SND1: variants seen among roughly 807,000 people sequenced by gnomAD.
The protein encoded by SND1 is staphylococcal nuclease and tudor domain containing 1.
In SND1, 38 loss-of-function variants were observed where a neutral mutation model predicts 121.7. The ratio of observed to expected loss-of-function variants is 0.31; its 90% CI spans 0.24 to 0.41. The LOEUF (loss-of-function observed/expected upper bound fraction) is 0.41, where lower values mean the gene tolerates loss of function less well. Among genes scored for constraint, SND1 ranks in the 10% least tolerant of loss-of-function variants. The probability of loss-of-function intolerance (pLI) is 1.00; values close to 1 mark genes in which losing one functional copy is unlikely to be tolerated. For missense variants in SND1, 868 were observed against 1,184.6 expected (o/e 0.73, Z 3.92); for synonymous variants, 401 against 447.4 (o/e 0.90, Z 1.31).
At chr7:127,787,500 G>A (rs904709808) in intron 10 of SND1, among the ~76,000 whole-genome samples, 1 of 152,220 alleles carries the variant, frequency 6.6e-6, no homozygotes, top group Non-Finnish European at 1.5e-5. Flanking sequence ...TTTTAAGGCT[G>A]TGTAGCTTTC....
intron 16 of SND1, among the ~76,000 whole-genome samples, chr7:128,065,204 G>A (rs577206916): frequency 7.2e-5 from 11 of 152,230 alleles, no homozygotes; most frequent in Non-Finnish European, 1.3e-4. Context: ...AAGAGGTTGT[G>A]ATCTGGAGCC....
Position 127,652,309 on chromosome 7 carries a change from C to A in SND1, c.-65C>A. ...CGCCTCGACTCCCTTTCACCAACACCGACACCCACATTGACACCTCCAGTC... is the reference window on the plus strand; with the variant it reads ...CGCCTCGACTCCCTTTCACCAACACAGACACCCACATTGACACCTCCAGTC... On this transcript the variant is annotated 5_prime_UTR_variant, in exon 1 of 24. Coordinates refer to ENST00000354725, the MANE Select transcript of SND1 (RefSeq NM_014390.4). 1 of 1,365,982 alleles carries A rather than the reference C, an allele frequency of 7.3e-7. No homozygotes were observed. The highest frequency in any genetic ancestry group is 1.0e-6 in the Non-Finnish European group (1 of 976,450). 84.6% of individuals were successfully genotyped at this position (1,365,982 alleles called of 1,614,324 possible).
intron 12 of SND1, among the ~76,000 whole-genome samples, chr7:127,863,346 T>C (rs1799412769): frequency 6.6e-6 from 1 of 152,176 alleles, no homozygotes; most frequent in Admixed American, 6.5e-5. Context: ...ATTACAAATG[T>C]TCCATGGAAG....
intron 16 of SND1, among the ~76,000 whole-genome samples, chr7:128,057,668 T>C (rs531817914): frequency 6.6e-6 from 1 of 152,174 alleles, no homozygotes; most frequent in South Asian, 2.1e-4. Flanking sequence ...AAGAAATTTC[T>C]GCCGAATCTC....
At chr7:127,804,100 CTGAGAAT>C (rs2308071) in intron 10 of SND1, among the ~76,000 whole-genome samples, 100,796 of 151,222 alleles carry the variant, frequency 0.67, 34,412 homozygotes, top group East Asian at 0.92. Context: ...GTCCTGTTTT[CTGAGAAT>C]TGAGAATACA....
chr7:127,939,878 TTTCTACTC>T (rs1419852659), intron 15 of SND1, among the ~76,000 whole-genome samples: 1 of 152,218 alleles, frequency 6.6e-6, no homozygotes, highest in Non-Finnish European at 1.5e-5. Context: ...CTGACTAGTG[TTTCTACTC>T]TTCTACTCTA....
intron 12 of SND1, among the ~76,000 whole-genome samples, chr7:127,854,785 C>G (rs1329966819): frequency 3.3e-5 from 5 of 151,862 alleles, no homozygotes; most frequent in Non-Finnish European, 7.4e-5. Flanking sequence ...GTGGTCAGCA[C>G]AGCACTAAGT....
chr7:127,850,191 G>T (rs1799138661), intron 12 of SND1, among the ~76,000 whole-genome samples: 1 of 152,012 alleles, frequency 6.6e-6, no homozygotes, highest in Non-Finnish European at 1.5e-5. Flanking sequence ...TCCTAGTTTG[G>T]TTTTTCTCAG....
intron 9 of SND1, chr7:127,718,526 A>G: frequency 2.0e-6 from 2 of 981,018 alleles, no homozygotes; most frequent in Non-Finnish European, 2.4e-6. Flanking sequence ...TATCTTCACC[A>G]GCAAGCTAAA....
rs1327027163 is a variant in SND1, at chr7:128,029,078, T to C, written c.1779+38022T>C. ...TGATGATCTTGGTGGTCTTCATGAC[T>C]TCATCCAGGCTGGTCTGCATCTTGT... On this transcript the variant is annotated intron_variant, in intron 16 of 23. Transcript: ENST00000354725. The surrounding 1 kb of genome is among the most constrained non-coding windows in gnomAD (Gnocchi z 4.2). 6.2e-7 allele frequency: 1 copy of C among 1,613,996 alleles called. No homozygotes were observed. Among genetic ancestry groups the C allele is most frequent in the South Asian group, 1.1e-5 (1 of 91,054 alleles).
chr7:128,006,821 A>G (rs1802988304), intron 16 of SND1, among the ~76,000 whole-genome samples: 1 of 152,218 alleles, frequency 6.6e-6, no homozygotes, highest in South Asian at 2.1e-4. Context: ...CTGCTCAGCC[A>G]CTTACCTGAG....
Position 127,946,453 on chromosome 7 carries a change from G to A in SND1, c.1669+17124G>A, listed in dbSNP as rs952565546. Among the ~76,000 whole-genome samples the A allele has an allele frequency of 3.9e-5, 6 of 152,292 alleles. No homozygotes were observed. In the East Asian group the frequency reaches 7.7e-4, roughly 20 times the overall value. ...AAGACCAAGCAACTTGCCTAGTCCT[G>A]GTGATACTTAAGTGTATAGCTTAGA... On this transcript the variant is annotated intron_variant, in intron 15 of 23. Transcript: ENST00000354725.
Position 127,937,541 on chromosome 7 carries a change from G to A in SND1, c.1669+8212G>A, listed in dbSNP as rs73455716. Among the ~76,000 whole-genome samples the A allele has an allele frequency of 3.3e-3, 498 of 152,066 alleles. 2 individuals carry two copies. The highest frequency in any genetic ancestry group is 0.011 in the African/African-American group (438 of 41,446). ...CTGGAGCTGGATTATGACAAAGGAG[G>A]CATTGAGAAAAGTTCTAAGTGTCTA... is the stretch of plus-strand genomic sequence containing the variant. On this transcript the variant is annotated intron_variant, in intron 15 of 23. Transcript: ENST00000354725.
chr7:127,911,440 G>A (rs547113839), intron 14 of SND1, among the ~76,000 whole-genome samples: 2 of 152,226 alleles, frequency 1.3e-5, no homozygotes, highest in East Asian at 1.9e-4. Context: ...AAACTCCTGG[G>A]CTCAAGTGAT....
chr7:127,978,231 A>G (rs1027142076), intron 15 of SND1, among the ~76,000 whole-genome samples: 5 of 152,222 alleles, frequency 3.3e-5, no homozygotes, highest in Non-Finnish European at 5.9e-5. Context: ...AGACAGAAGC[A>G]TCAAGGAAGA....
intron 10 of SND1, among the ~76,000 whole-genome samples, chr7:127,759,471 AT>A (rs1409876215): frequency 1.3e-5 from 2 of 151,958 alleles, no homozygotes; most frequent in Non-Finnish European, 2.9e-5. Context: ...TCTTTGATCC[AT>A]TTCTTGCTTT....
intron 16 of SND1, among the ~76,000 whole-genome samples, chr7:128,043,267 C>A (rs1485565620): frequency 1.3e-5 from 2 of 152,122 alleles, no homozygotes; most frequent in Admixed American, 1.3e-4. Flanking sequence ...CAAATTAAAA[C>A]CCTCCTTGTA....
chr7:127,819,536 A>G (rs1456949456), intron 11 of SND1, among the ~76,000 whole-genome samples: 1 of 152,194 alleles, frequency 6.6e-6, no homozygotes, highest in Non-Finnish European at 1.5e-5. Flanking sequence ...GAGGAGGGCC[A>G]CCATAAAGAG....
intron 15 of SND1, among the ~76,000 whole-genome samples, chr7:127,948,172 T>C (rs1191329901): frequency 6.6e-6 from 1 of 152,238 alleles, no homozygotes; most frequent in East Asian, 1.9e-4. Flanking sequence ...ACTGTAGTGA[T>C]TCCTGTATGG....
Sources: gnomAD v4.1 joint callset for allele counts (sites outside exome capture counted in the v4.1 genomes callset) on GRCh38, gnomAD v4.1.1 for gene constraint, Gnocchi (gnomAD v3.1) non-coding constraint, MANE v1.5 for transcripts, NCBI Gene and HGNC (gene_info 2026-07-23, HGNC 2026-07-21) for gene names.